The following LSAMP variants were observed in gnomAD, a reference collection of about 807,000 sequenced individuals.
LSAMP encodes the protein limbic system associated membrane protein, also known as limbic system-associated membrane protein.
A neutral mutation model predicts 38.6 loss-of-function variants in LSAMP; 7 were observed. The ratio of observed to expected loss-of-function variants is 0.18; its 90% CI spans 0.10 to 0.34. The LOEUF (loss-of-function observed/expected upper bound fraction) is 0.34, where lower values mean the gene tolerates loss of function less well. Ranked by LOEUF, LSAMP falls within the 10% of genes least tolerant of loss-of-function variation. The pLI is 1.00. For synonymous variants in LSAMP, 154 were observed against 166.8 expected (o/e 0.92, Z 0.59); for missense variants, 313 against 420.0 (o/e 0.75, Z 2.23).
chr3:116,189,803 G>A (rs867248166), intron 1 of LSAMP, among the ~76,000 whole-genome samples: 1 of 152,080 alleles, frequency 6.6e-6, no homozygotes, highest in Non-Finnish European at 1.5e-5. Flanking sequence ...ACAAGTAAAA[G>A]AGACATTGGC....
At chr3:115,934,308 G>T (rs1268962992) in intron 3 of LSAMP, among the ~76,000 whole-genome samples, 1 of 151,628 alleles carries the variant, frequency 6.6e-6, no homozygotes, top group Non-Finnish European at 1.5e-5. Context: ...CCTCCCAATA[G>T]GTTGGATTAC....
intron 1 of LSAMP, among the ~76,000 whole-genome samples, chr3:116,191,493 C>G (rs547762219): frequency 1.6e-4 from 25 of 152,154 alleles, no homozygotes; most frequent in Admixed American, 5.2e-4. Context: ...TCCCAAATGA[C>G]TCTGCAGCCC....
chr3:116,238,632 T>G (rs1388322714), intron 1 of LSAMP, among the ~76,000 whole-genome samples: 1 of 152,170 alleles, frequency 6.6e-6, no homozygotes, highest in Non-Finnish European at 1.5e-5. Flanking sequence ...GCCTATTTCA[T>G]CATGGTAGTA....
chr3:116,240,053 C>A (rs564491635), intron 1 of LSAMP, among the ~76,000 whole-genome samples: 119 of 152,224 alleles, frequency 7.8e-4, no homozygotes, highest in Non-Finnish European at 9.9e-4. Flanking sequence ...AATAATTCTT[C>A]ATGTACTTAC....
At chr3:115,969,832 A>G (rs1227954398) in intron 3 of LSAMP, among the ~76,000 whole-genome samples, 1 of 152,226 alleles carries the variant, frequency 6.6e-6, no homozygotes, top group East Asian at 1.9e-4. Flanking sequence ...AATGCACACC[A>G]GTTGGGGTCC....
At chr3:115,929,582 G>C (rs1280350391) in intron 3 of LSAMP, among the ~76,000 whole-genome samples, 1 of 152,068 alleles carries the variant, frequency 6.6e-6, no homozygotes. Context: ...TCTAAAATTT[G>C]TTGGCAGCAA....
At chr3:116,020,011 T>C (rs1327860320) in intron 2 of LSAMP, among the ~76,000 whole-genome samples, 1 of 152,112 alleles carries the variant, frequency 6.6e-6, no homozygotes, top group Non-Finnish European at 1.5e-5. Context: ...CTTATGTATA[T>C]ATAAATAAAT....
intron 1 of LSAMP, among the ~76,000 whole-genome samples, chr3:116,111,524 C>T (rs933053729): frequency 3.9e-5 from 6 of 152,146 alleles, no homozygotes; most frequent in Non-Finnish European, 7.3e-5. Context: ...AAAATATCTT[C>T]ATTTTTGAAG....
chr3:115,982,005 T>C (rs1939374102), intron 3 of LSAMP, among the ~76,000 whole-genome samples: 1 of 152,224 alleles, frequency 6.6e-6, no homozygotes, highest in East Asian at 1.9e-4. Flanking sequence ...CCCATCTTAA[T>C]CTCTTGTATG....
intron 1 of LSAMP, among the ~76,000 whole-genome samples, chr3:116,274,910 G>A (rs1211862606): frequency 2.2e-5 from 3 of 139,252 alleles, no homozygotes; most frequent in Non-Finnish European, 4.6e-5. Flanking sequence ...TACATAAAAA[G>A]TATATTTTTA....
chr3:116,264,417 G>A (rs755612545), intron 1 of LSAMP, among the ~76,000 whole-genome samples: 1 of 152,126 alleles, frequency 6.6e-6, no homozygotes, highest in Non-Finnish European at 1.5e-5. Flanking sequence ...CCAAGACATT[G>A]AGTCATGGCT....
At chr3:115,994,953 T>C (rs1939774037) in intron 3 of LSAMP, among the ~76,000 whole-genome samples, 1 of 152,052 alleles carries the variant, frequency 6.6e-6, no homozygotes, top group Non-Finnish European at 1.5e-5. Context: ...GATACAGGTA[T>C]ACGTGAGAAT....
At position 116,042,449 on chromosome 3, in the gene LSAMP, G is replaced by C. The variant is rs1219474683; in HGVS notation, c.389-22809C>G. On this transcript the variant is annotated intron_variant, in intron 2 of 6. Coordinates refer to ENST00000490035, the MANE Select transcript of LSAMP (RefSeq NM_002338.5). ...AGCATTTCTTTTTTTTTTTTTTTTTGAGACAGTGTCTTGCTCTGTTGCCAG... is the reference window on the plus strand; with the variant it reads ...AGCATTTCTTTTTTTTTTTTTTTTTCAGACAGTGTCTTGCTCTGTTGCCAG... Among the ~76,000 whole-genome samples, 3 of 69,832 alleles carry C rather than the reference G, an allele frequency of 4.3e-5. No individual in the cohort carries two copies. The Admixed American group carries it at 4.8e-4, about 11-fold the overall frequency. 45.8% of individuals were successfully genotyped at this position (69,832 alleles called of 152,430 possible).
intron 1 of LSAMP, among the ~76,000 whole-genome samples, chr3:116,254,297 A>G (rs144989812): frequency 2.0e-4 from 30 of 152,322 alleles, no homozygotes; most frequent in African/African-American, 6.5e-4. Flanking sequence ...ATACAGATTT[A>G]TATACAATTT....
chr3:115,889,124 G>A (rs1291874995), intron 3 of LSAMP, among the ~76,000 whole-genome samples: 1 of 151,900 alleles, frequency 6.6e-6, no homozygotes, highest in Non-Finnish European at 1.5e-5. Flanking sequence ...TAGGAAGTTG[G>A]GGTCCTTTTC....
intron 1 of LSAMP, among the ~76,000 whole-genome samples, chr3:116,391,362 G>C (rs1318780960): frequency 6.6e-6 from 1 of 152,196 alleles, no homozygotes; most frequent in Non-Finnish European, 1.5e-5. Context: ...AGCCAGGCAG[G>C]ACCCACTCGC....
chr3:116,234,110 G>T (rs2046437336), intron 1 of LSAMP, among the ~76,000 whole-genome samples: 1 of 152,170 alleles, frequency 6.6e-6, no homozygotes, highest in African/African-American at 2.4e-5. Flanking sequence ...CACGGAGTGG[G>T]CTGCACAGGA....
Position 116,025,922 on chromosome 3 carries a change from C to G in LSAMP, c.389-6282G>C, listed in dbSNP as rs557242715. 6.6e-5 allele frequency among the ~76,000 whole-genome samples: 10 copies of G among 152,140 alleles called. No individual in the cohort carries two copies. In the South Asian group the frequency reaches 2.1e-3, roughly 32 times the overall value. On this transcript the variant is annotated intron_variant, in intron 2 of 6. Transcript: ENST00000490035. ...GGGTAATATTCTTTATTGAAATGCA[C>G]ATAAATTCTGCATTAAAAAATACAC...
intron 1 of LSAMP, among the ~76,000 whole-genome samples, chr3:116,142,378 C>A (rs1434311293): frequency 6.6e-6 from 1 of 151,966 alleles, no homozygotes; most frequent in Non-Finnish European, 1.5e-5. Flanking sequence ...CAAAAGACAT[C>A]TTGTTCCACC....
Sources: allele counts gnomAD v4.1 joint callset (sites outside exome capture counted in the v4.1 genomes callset), GRCh38; gene constraint gnomAD v4.1.1; transcripts MANE v1.5; gene names NCBI Gene and HGNC (gene_info 2026-07-23, HGNC 2026-07-21).